ATXN1: variants seen among roughly 807,000 people sequenced by gnomAD.
ATXN1 encodes the protein ataxin 1.
Under a neutral mutation model 56.4 loss-of-function variants are expected in ATXN1, and 8 were observed. That is an observed-to-expected ratio of 0.14 (90% CI 0.08 to 0.26). The LOEUF (loss-of-function observed/expected upper bound fraction) is 0.26. ATXN1 is among the 10% of genes least tolerant of loss of function. The pLI is 1.00. For missense variants in ATXN1, 987 were observed against 1,106.5 expected (o/e 0.89, Z 1.53); for synonymous variants, 514 against 494.6 (o/e 1.04, Z -0.52).
chr6:16,714,722 A>G (rs1361601618), intron 2 of ATXN1, among the ~76,000 whole-genome samples: 1 of 152,168 alleles, frequency 6.6e-6, no homozygotes, highest in Non-Finnish European at 1.5e-5. Flanking sequence ...GTACTGTTTT[A>G]GAGCAAAAAA....
intron 3 of ATXN1, among the ~76,000 whole-genome samples, chr6:16,656,184 G>A (rs925535887): frequency 6.6e-6 from 1 of 151,856 alleles, no homozygotes; most frequent in African/African-American, 2.4e-5. Flanking sequence ...GGGCCAGGAG[G>A]GACCCCCCGA....
chr6:16,659,372 C>A (rs1167271959), intron 2 of ATXN1, among the ~76,000 whole-genome samples: 1 of 152,182 alleles, frequency 6.6e-6, no homozygotes, highest in Non-Finnish European at 1.5e-5. Flanking sequence ...ACTTTACCGG[C>A]TTGGTAAAAA....
chr6:16,705,534 T>G (rs1197694396), intron 2 of ATXN1, among the ~76,000 whole-genome samples: 1 of 152,150 alleles, frequency 6.6e-6, no homozygotes, highest in African/African-American at 2.4e-5. Context: ...ATTTGCCCAT[T>G]CACTTCCTCA....
chr6:16,654,401 G>A (rs774405057), intron 3 of ATXN1, among the ~76,000 whole-genome samples: 6 of 151,942 alleles, frequency 3.9e-5, no homozygotes, highest in Non-Finnish European at 8.8e-5. Flanking sequence ...AAAATTAGCT[G>A]GGCACGGTGG....
At chr6:16,660,889 A>AGTG (rs1186358823) in intron 2 of ATXN1, among the ~76,000 whole-genome samples, 1 of 122,222 alleles carries the variant, frequency 8.2e-6, no homozygotes, top group African/African-American at 3.3e-5. Flanking sequence ...CCCAGGCTGG[A>AGTG]GTGCAGTGGA....
rs570641256 is a variant in ATXN1, at chr6:16,327,003, G to T, written c.1308C>A (p.Thr436=). ...YALSPHTVIQ[T]THSASEPLPV... is the part of the protein sequence containing the mutation. ...GGAGTGGCTCTGAAGCACTGTGTGT[G>T]GTCTGAATGACCGTGTGGGGTGAGA... The change falls in exon 7 of 8, where the codon ACC becomes ACA. Residue 436 remains threonine, a synonymous_variant. Transcript: ENST00000436367. The T allele has an allele frequency of 1.2e-6, 2 of 1,614,164 alleles. No homozygotes were observed. Among genetic ancestry groups the T allele is most frequent in the South Asian group, 1.1e-5 (1 of 91,086 alleles).
intron 3 of ATXN1, among the ~76,000 whole-genome samples, chr6:16,602,743 C>G (rs894303447): frequency 6.6e-6 from 1 of 152,200 alleles, no homozygotes; most frequent in African/African-American, 2.4e-5. Context: ...AGCCACTGAG[C>G]CTGGCCGCAG....
intron 2 of ATXN1, among the ~76,000 whole-genome samples, chr6:16,719,081 T>G (rs1184407880): frequency 6.6e-6 from 1 of 152,236 alleles, no homozygotes; most frequent in African/African-American, 2.4e-5. Context: ...GAGCACTTAA[T>G]AAACATTTGT....
intron 2 of ATXN1, among the ~76,000 whole-genome samples, chr6:16,702,458 T>C (rs1257738035): frequency 2.0e-5 from 3 of 152,086 alleles, no homozygotes; most frequent in Admixed American, 6.6e-5. Flanking sequence ...CCAAAAGCAA[T>C]GGCAACAAAA....
At chr6:16,698,878 T>C (rs1759222294) in intron 2 of ATXN1, among the ~76,000 whole-genome samples, 1 of 152,202 alleles carries the variant, frequency 6.6e-6, no homozygotes. Flanking sequence ...AATTCTACGA[T>C]TGTCCGTCCA....
At chr6:16,350,905 A>C (rs1355492465) in intron 6 of ATXN1, among the ~76,000 whole-genome samples, 1 of 152,210 alleles carries the variant, frequency 6.6e-6, no homozygotes, top group Non-Finnish European at 1.5e-5. Context: ...TAACAAAGTG[A>C]GGCCTGTCTC....
rs527713548 is a variant in ATXN1, at chr6:16,347,959, C to T, written c.-160-19489G>A. ...TGCCTGTATGAGCTATAACACTCAC[C>T]GGAAAGGTCTGCAGCTTCATTCCTG... On this transcript the variant is annotated intron_variant, in intron 6 of 7. Transcript: ENST00000436367. Among the ~76,000 whole-genome samples the T allele has an allele frequency of 1.1e-3, 168 of 152,278 alleles. No individual in the cohort carries two copies. In the South Asian group the frequency reaches 0.014, roughly 13 times the overall value.
intron 3 of ATXN1, among the ~76,000 whole-genome samples, chr6:16,654,945 G>A (rs1369160332): frequency 6.6e-6 from 1 of 152,088 alleles, no homozygotes; most frequent in African/African-American, 2.4e-5. Context: ...ATGCTGTTAT[G>A]AAACCCCAAT....
chr6:16,712,129 T>C (rs183636349), intron 2 of ATXN1, among the ~76,000 whole-genome samples: 1 of 152,138 alleles, frequency 6.6e-6, no homozygotes, highest in Non-Finnish European at 1.5e-5. Flanking sequence ...TTGATTAGGA[T>C]GCTGATTATG....
At chr6:16,404,693 C>T (rs927617539) in intron 6 of ATXN1, among the ~76,000 whole-genome samples, 2 of 132,022 alleles carry the variant, frequency 1.5e-5, no homozygotes, top group Non-Finnish European at 3.1e-5. Flanking sequence ...TGCACGCGCA[C>T]TCGCGCGCGC....
At chr6:16,526,610 C>G (rs1435737146) in intron 4 of ATXN1, among the ~76,000 whole-genome samples, 1 of 151,880 alleles carries the variant, frequency 6.6e-6, no homozygotes, top group Non-Finnish European at 1.5e-5. Context: ...ACTAAAAATA[C>G]AAAAATTAGC....
intron 6 of ATXN1, among the ~76,000 whole-genome samples, chr6:16,456,177 C>T (rs1055486596): frequency 3.3e-5 from 5 of 152,110 alleles, no homozygotes; most frequent in East Asian, 1.9e-4. Context: ...TAACACTCAC[C>T]GTGAAGGTCC....
At chr6:16,443,208 CAAAAAA>C (rs70999325) in intron 6 of ATXN1, among the ~76,000 whole-genome samples, 12 of 40,774 alleles carry the variant, frequency 2.9e-4, no homozygotes, top group African/African-American at 1.0e-3. Flanking sequence ...TCTATTGGAG[CAAAAAA>C]AAAAAAAAAA....
chr6:16,727,540 T>C (rs1395858230), intron 2 of ATXN1, among the ~76,000 whole-genome samples: 1 of 152,112 alleles, frequency 6.6e-6, no homozygotes, highest in Non-Finnish European at 1.5e-5. Flanking sequence ...AAAATGATCA[T>C]CAAATTACTT....
Sources: gnomAD v4.1 joint callset for allele counts (sites outside exome capture counted in the v4.1 genomes callset) on GRCh38, gnomAD v4.1.1 for gene constraint, MANE v1.5 for transcripts, NCBI Gene and HGNC (gene_info 2026-07-23, HGNC 2026-07-21) for gene names.